COL25A1: variants seen among roughly 807,000 people sequenced by gnomAD.
COL25A1 encodes the protein collagen type XXV alpha 1 chain.
A neutral mutation model predicts 128.4 loss-of-function variants in COL25A1; 103 were observed. That is an observed-to-expected ratio of 0.80 (90% CI 0.68 to 0.94). The LOEUF (loss-of-function observed/expected upper bound fraction) is 0.94. Among genes scored for constraint, COL25A1 ranks in the 40% least tolerant of loss-of-function variants. The pLI, the probability that COL25A1 is intolerant of heterozygous loss-of-function variation, is 0.00. For synonymous variants in COL25A1, 279 were observed against 277.2 expected, an observed-to-expected ratio of 1.01 and a Z score of -0.06; for missense variants, 745 against 840.0, an observed-to-expected ratio of 0.89 and a Z score of 1.40.
rs149808351 is a variant in COL25A1, at chr4:109,151,092, A to G, written c.368-100913T>C. On this transcript the variant is annotated intron_variant, in intron 3 of 37. Transcript: ENST00000399132. Reference sequence around the variant, plus strand: ...AAAGTAAATTCTAAAAATGCCACAGATATTAATGGTATTTATCACTTAGTA... The same window carrying G: ...AAAGTAAATTCTAAAAATGCCACAGGTATTAATGGTATTTATCACTTAGTA... Among the ~76,000 whole-genome samples, 173 of 152,280 alleles carry G rather than the reference A, an allele frequency of 1.1e-3. 5 individuals are homozygous for G. The East Asian group carries it at 0.026, about 23-fold the overall frequency.
intron 3 of COL25A1, among the ~76,000 whole-genome samples, chr4:109,276,267 C>A (rs1392437705): frequency 1.3e-5 from 2 of 151,920 alleles, no homozygotes; most frequent in Non-Finnish European, 2.9e-5. Context: ...AAAAAATTAG[C>A]CGGGCATGGT....
At chr4:109,081,083 G>T (rs1034179167) in intron 3 of COL25A1, among the ~76,000 whole-genome samples, 8 of 152,122 alleles carry the variant, frequency 5.3e-5, no homozygotes, top group African/African-American at 1.4e-4. Flanking sequence ...TTCATGCATG[G>T]TCAATATTTC....
rs183024161 is a variant in COL25A1, at chr4:108,840,016, C to T, written c.1656+1679G>A. Among the ~76,000 whole-genome samples the T allele has an allele frequency of 6.0e-3, 903 of 151,562 alleles. 12 individuals carry two copies. Among genetic ancestry groups the T allele is most frequent in the African/African-American group, 0.02 (844 of 41,318 alleles). ...CAGCACTTTGGGAGGCCGAGGCGGG[C>T]GGATCACTTGGGGTCAGGAGTTCAA... On this transcript the variant is annotated intron_variant, in intron 31 of 37. Coordinates refer to ENST00000399132, the MANE Select transcript of COL25A1 (RefSeq NM_198721.4).
chr4:108,951,846 C>T (rs1354293474), intron 8 of COL25A1, among the ~76,000 whole-genome samples: 2 of 152,146 alleles, frequency 1.3e-5, no homozygotes, highest in Admixed American at 6.5e-5. Context: ...GGTTTGATTA[C>T]AGGGTGTCTC....
chr4:109,224,767 C>T (rs1315879779), intron 3 of COL25A1, among the ~76,000 whole-genome samples: 2 of 152,040 alleles, frequency 1.3e-5, no homozygotes, highest in Admixed American at 6.5e-5. Context: ...TGGAGAAACC[C>T]CATCTCTACT....
intron 3 of COL25A1, among the ~76,000 whole-genome samples, chr4:109,112,887 T>C (rs1464599944): frequency 6.6e-6 from 1 of 152,084 alleles, no homozygotes; most frequent in East Asian, 1.9e-4. Context: ...CCTGTAGTAG[T>C]TATATAAAAT....
intron 3 of COL25A1, among the ~76,000 whole-genome samples, chr4:109,265,664 T>G (rs1781740143): frequency 6.6e-6 from 1 of 151,888 alleles, no homozygotes; most frequent in African/African-American, 2.4e-5. Flanking sequence ...ATGTCAGGAC[T>G]CTCCTGAACA....
chr4:109,282,933 A>G (rs1239575065), intron 3 of COL25A1, among the ~76,000 whole-genome samples: 2 of 152,228 alleles, frequency 1.3e-5, no homozygotes, highest in African/African-American at 4.8e-5. Context: ...ATGACTAGTT[A>G]CTATCTAAAC....
intron 11 of COL25A1, among the ~76,000 whole-genome samples, chr4:108,936,024 G>A (rs75134399): frequency 0.036 from 5,471 of 152,106 alleles, 168 homozygotes; most frequent in African/African-American, 0.065. Context: ...AAGAATATAC[G>A]GGGAAGAATG....
chr4:109,213,749 A>G (rs1449770060), intron 3 of COL25A1, among the ~76,000 whole-genome samples: 1 of 152,208 alleles, frequency 6.6e-6, no homozygotes, highest in Non-Finnish European at 1.5e-5. Flanking sequence ...ATCAAGTTTT[A>G]GGGTGGCTTA....
intron 3 of COL25A1, among the ~76,000 whole-genome samples, chr4:109,137,984 A>ATATATGTGTG (rs547874075): frequency 7.0e-6 from 1 of 142,490 alleles, no homozygotes; most frequent in Non-Finnish European, 1.5e-5. Flanking sequence ...TTATATATAT[A>ATATATGTGTG]TGTGTGTGTG....
intron 35 of COL25A1, among the ~76,000 whole-genome samples, chr4:108,822,567 C>A (rs1053698606): frequency 1.6e-4 from 24 of 152,136 alleles, no homozygotes; most frequent in African/African-American, 5.3e-4. Flanking sequence ...CAGGTACATG[C>A]CACCATGCCC....
chr4:109,195,075 CATAA>C (rs893405931), intron 3 of COL25A1, among the ~76,000 whole-genome samples: 2 of 152,070 alleles, frequency 1.3e-5, no homozygotes, highest in African/African-American at 4.8e-5. Context: ...TCATGTACCC[CATAA>C]ATATATACAC....
At chr4:108,986,324 G>A (rs572546469) in intron 6 of COL25A1, among the ~76,000 whole-genome samples, 4 of 152,286 alleles carry the variant, frequency 2.6e-5, no homozygotes, top group African/African-American at 9.6e-5. Context: ...ATCTTCAATA[G>A]ATGTATTTGG....
intron 3 of COL25A1, among the ~76,000 whole-genome samples, chr4:109,153,256 A>G (rs1455441522): frequency 6.6e-6 from 1 of 151,670 alleles, no homozygotes; most frequent in East Asian, 1.9e-4. Flanking sequence ...GTGGTAGCTC[A>G]TGCCTGTAAT....
intron 3 of COL25A1, among the ~76,000 whole-genome samples, chr4:109,077,865 T>G (rs2125990349): frequency 6.6e-6 from 1 of 152,358 alleles, no homozygotes; most frequent in East Asian, 1.9e-4. Flanking sequence ...GTCATCTCCC[T>G]ACTCGCTGCT....
At chr4:108,889,417 ATTTTT>A (rs34358532) in intron 17 of COL25A1, among the ~76,000 whole-genome samples, 161 bp from the exon 18 acceptor site, 22 of 130,470 alleles carry the variant, frequency 1.7e-4, no homozygotes, top group East Asian at 4.5e-4. Flanking sequence ...AGACATACGG[ATTTTT>A]TTTTTTTTTT....
intron 6 of COL25A1, among the ~76,000 whole-genome samples, chr4:109,005,333 A>G (rs754237540): frequency 2.0e-5 from 3 of 152,158 alleles, no homozygotes; most frequent in Non-Finnish European, 4.4e-5. Context: ...ATTCACCCCT[A>G]TGATCCAATC....
At chr4:108,961,159 T>C (rs1285714712) in intron 8 of COL25A1, among the ~76,000 whole-genome samples, 1 of 152,212 alleles carries the variant, frequency 6.6e-6, no homozygotes, top group African/African-American at 2.4e-5. Context: ...TAAACAAGAA[T>C]AGGTTCACAT....
Sources: gnomAD v4.1 joint callset for allele counts (sites outside exome capture counted in the v4.1 genomes callset) on GRCh38, gnomAD v4.1.1 for gene constraint, MANE v1.5 for transcripts, NCBI Gene and HGNC (gene_info 2026-07-23, HGNC 2026-07-21) for gene names.